KALRN: variants seen among roughly 807,000 people sequenced by gnomAD.
KALRN encodes the protein kalirin RhoGEF kinase.
KALRN carries 70 observed loss-of-function variants against 353.7 expected under a neutral mutation model. The observed-to-expected ratio is 0.20, with a 90% CI of 0.16 to 0.24. The LOEUF (loss-of-function observed/expected upper bound fraction) is 0.24. Ranked by LOEUF, KALRN falls within the 10% of genes least tolerant of loss-of-function variation. The pLI is 1.00. For missense variants in KALRN, 2,791 were observed against 3,756.7 expected (o/e 0.74, Z 6.72); for synonymous variants, 1,391 against 1,434.8 (o/e 0.97, Z 0.69).
Position 124,679,479 on chromosome 3 carries a change from T to C in KALRN, c.7339T>C (p.Ser2447Pro). ...CAAGGAGACGAACAGTTCCGAGGAATCAGAGTGTGATGATCTTGACCCTAA... is the reference window on the plus strand; with the variant it reads ...CAAGGAGACGAACAGTTCCGAGGAACCAGAGTGTGATGATCTTGACCCTAA... ...SVKETNSSEE[S>P]ECDDLDPNTS... Residue 2447 changes from serine to proline, a missense_variant, in exon 51 of 60, where the codon TCA (serine) becomes CCA (proline). Ser to Pro is a moderately conservative substitution (Grantham distance 74). Around this residue, in one of 11 missense-constraint regions of KALRN, gnomAD observed 1,065 missense variants for 1,156.4 expected, o/e 0.92. Coordinates refer to ENST00000682506, the MANE Select transcript of KALRN (RefSeq NM_001388419.1). 6.2e-7 allele frequency: 1 copy of C among 1,614,130 alleles called. No individual in the cohort carries two copies. The highest frequency in any genetic ancestry group is 8.5e-7 in the Non-Finnish European group (1 of 1,179,972).
At position 124,422,819 on chromosome 3, in the gene KALRN, G is replaced by C; in HGVS notation, c.2550G>C (p.Glu850Asp). 4 of 1,613,620 alleles carry C rather than the reference G, an allele frequency of 2.5e-6. No homozygotes were observed. The highest frequency in any genetic ancestry group is 3.4e-6 in the Non-Finnish European group (4 of 1,179,694). The stretch of plus-strand genomic sequence containing the variant: ...CCATTTTTTTAAAATCAGGAATTGA[G>C]TTGATCTGTGAAAAAGACATTGATC... ...YITEVQASGI[E>D]LICEKDIDLA... Residue 850 changes from glutamate (E) to aspartate (D), a missense_variant, in exon 15 of 60, where the codon GAG (glutamate) becomes GAC (aspartate). By Grantham distance (45) the Glu-to-Asp change is conservative (BLOSUM62 2). Transcript: ENST00000682506.
chr3:124,481,322 T>C (rs971825720), intron 27 of KALRN, among the ~76,000 whole-genome samples: 2 of 152,162 alleles, frequency 1.3e-5, no homozygotes, highest in African/African-American at 4.8e-5. Context: ...TCCTCCCACC[T>C]CAGCCTCCCA....
Position 124,628,742 on chromosome 3 carries a change from A to ATTTTT in KALRN, c.5183-3654_5183-3650dup, listed in dbSNP as rs58523719. On this transcript the variant is annotated intron_variant, in intron 34 of 59. Coordinates refer to ENST00000682506, the MANE Select transcript of KALRN (RefSeq NM_001388419.1). ...AGTCATGTGCCACCACACCTGGCTA[A>ATTTTT]TTTTTTTTTTTTTTTTTTTTTTTTT... Among the ~76,000 whole-genome samples, 30 of 100,144 alleles carry ATTTTT rather than the reference A, an allele frequency of 3.0e-4. 2 individuals are homozygous for ATTTTT. The highest frequency in any genetic ancestry group is 8.4e-4 in the African/African-American group (18 of 21,490). 65.7% of individuals were successfully genotyped at this position (100,144 alleles called of 152,430 possible). A position where few individuals can be genotyped will look rare whatever the true frequency, so the allele number is the denominator to read the frequency against.
chr3:124,623,355 A>G (rs2079512010), intron 34 of KALRN, among the ~76,000 whole-genome samples: 1 of 125,874 alleles, frequency 7.9e-6, no homozygotes, highest in African/African-American at 3.0e-5. Flanking sequence ...CTCTAGAGGG[A>G]CAACAGAACT....
chr3:124,665,092 A>C (rs3755691), intron 45 of KALRN, among the ~76,000 whole-genome samples: 3,999 of 152,266 alleles, frequency 0.026, 71 homozygotes, highest in East Asian at 0.078. Context: ...CAGGAACACA[A>C]AAGAAAAATG....
At chr3:124,504,298 T>A (rs1451944733) in intron 33 of KALRN, among the ~76,000 whole-genome samples, 1 of 146,686 alleles carries the variant, frequency 6.8e-6, no homozygotes, top group Non-Finnish European at 1.5e-5. Context: ...TCCTTCTGTT[T>A]AAAAAAAAAA....
chr3:124,061,759 G>C (rs541910811), intron 1 of KALRN, among the ~76,000 whole-genome samples: 37 of 152,284 alleles, frequency 2.4e-4, no homozygotes, highest in African/African-American at 7.7e-4. Context: ...GAGTACCTTT[G>C]TTTTAGGCGC....
chr3:124,200,198 C>T (rs1209875943), intron 1 of KALRN, among the ~76,000 whole-genome samples: 4 of 152,132 alleles, frequency 2.6e-5, no homozygotes, highest in Non-Finnish European at 4.4e-5. Flanking sequence ...ACTAGTAAGC[C>T]GTGGAATATT....
At chr3:124,081,784 T>C (rs1269638068) in intron 1 of KALRN, among the ~76,000 whole-genome samples, 1 of 151,760 alleles carries the variant, frequency 6.6e-6, no homozygotes, top group Non-Finnish European at 1.5e-5. Flanking sequence ...AAAAAACAAC[T>C]TCAAAAACAA....
chr3:124,329,440 G>A (rs2080273543), intron 7 of KALRN, among the ~76,000 whole-genome samples: 1 of 152,304 alleles, frequency 6.6e-6, no homozygotes, highest in African/African-American at 2.4e-5. Flanking sequence ...TGTACATACT[G>A]TAAAGCACAG....
At chr3:124,341,385 G>A (rs1047292971) in intron 9 of KALRN, among the ~76,000 whole-genome samples, 1 of 152,238 alleles carries the variant, frequency 6.6e-6, no homozygotes, top group Non-Finnish European at 1.5e-5. Context: ...ACATATGCAC[G>A]TGGCAATTCA....
Position 124,720,388 on chromosome 3 carries a change from A to G in KALRN, c.*918A>G, listed in dbSNP as rs1579109156. 1.3e-5 allele frequency: 2 copies of G among 152,652 alleles called. No individual in the cohort carries two copies. The highest frequency in any genetic ancestry group is 4.8e-5 in the African/African-American group (2 of 41,460). The allele number at this position is 152,652 out of a possible 1,614,324, so 9.5% of individuals were successfully genotyped here. ...ATAAGTAAACAAATACAAGAGGTTC[A>G]TATAAAAGGGCAAATGAAAACCTTT... On this transcript the variant is annotated 3_prime_UTR_variant, in exon 60 of 60. Coordinates refer to ENST00000682506, the MANE Select transcript of KALRN (RefSeq NM_001388419.1).
intron 1 of KALRN, among the ~76,000 whole-genome samples, chr3:124,105,046 T>C (rs1387936761): frequency 2.6e-5 from 4 of 152,150 alleles, no homozygotes; most frequent in Non-Finnish European, 5.9e-5. Context: ...TCATGTTCTT[T>C]AAAGATGAAT....
intron 39 of KALRN, 86 bp downstream of exon 39, chr3:124,655,753 G>A: frequency 1.1e-6 from 1 of 894,450 alleles, no homozygotes; most frequent in South Asian, 1.3e-5. Flanking sequence ...TTAATCTGAT[G>A]GTTACATGTA....
At chr3:124,706,540 C>G (rs193214103) in intron 57 of KALRN, among the ~76,000 whole-genome samples, 4 of 152,130 alleles carry the variant, frequency 2.6e-5, no homozygotes, top group Admixed American at 1.3e-4. Flanking sequence ...GCTTCACCCA[C>G]AAGCTCAGAG....
At chr3:124,058,330 A>G (rs902713301) in intron 1 of KALRN, among the ~76,000 whole-genome samples, 7 of 152,252 alleles carry the variant, frequency 4.6e-5, no homozygotes, top group East Asian at 3.9e-4. Flanking sequence ...AGAGCTGCCT[A>G]TATATCTTTC....
intron 1 of KALRN, among the ~76,000 whole-genome samples, chr3:124,177,159 T>C (rs1349890702): frequency 6.6e-6 from 1 of 152,236 alleles, no homozygotes; most frequent in Non-Finnish European, 1.5e-5. Flanking sequence ...CTTTATTCTC[T>C]GTCCCTTCCT....
intron 33 of KALRN, among the ~76,000 whole-genome samples, chr3:124,560,561 G>A (rs535343657): frequency 7.2e-5 from 11 of 152,318 alleles, no homozygotes; most frequent in African/African-American, 2.6e-4. Flanking sequence ...AGTGTTCCCT[G>A]GTCAAAATAT....
At chr3:124,289,274 T>C (rs1348483134) in intron 5 of KALRN, among the ~76,000 whole-genome samples, 1 of 152,174 alleles carries the variant, frequency 6.6e-6, no homozygotes, top group Non-Finnish European at 1.5e-5. Context: ...GGGGATTAAG[T>C]TTTCAACACA....
Sources: allele counts gnomAD v4.1 joint callset (sites outside exome capture counted in the v4.1 genomes callset), GRCh38; gene constraint gnomAD v4.1.1; regional missense constraint gnomAD v4.1.1; transcripts MANE v1.5; gene names NCBI Gene and HGNC (gene_info 2026-07-23, HGNC 2026-07-21).